The following IDE variants were observed in gnomAD, a reference collection of about 807,000 sequenced individuals.
The protein encoded by IDE is insulin degrading enzyme.
Under a neutral mutation model 133.2 loss-of-function variants are expected in IDE, and 58 were observed. The ratio of observed to expected loss-of-function variants is 0.44; its 90% CI spans 0.35 to 0.54. IDE has a LOEUF of 0.54. IDE is among the 20% of genes least tolerant of loss of function. The probability of loss-of-function intolerance (pLI) is 0.00; values close to 1 mark genes in which losing one functional copy is unlikely to be tolerated. For missense variants in IDE, 981 were observed against 1,234.0 expected (o/e 0.79, Z 3.07); for synonymous variants, 396 against 421.3 (o/e 0.94, Z 0.73).
intron 21 of IDE, among the ~76,000 whole-genome samples, chr10:92,461,691 G>A (rs1267837375): frequency 1.3e-5 from 2 of 150,080 alleles, no homozygotes; most frequent in Non-Finnish European, 3.0e-5. Context: ...TTGAGATGGA[G>A]TCTTGCTCTC....
At chr10:92,503,567 T>G (rs1264690070) in intron 11 of IDE, among the ~76,000 whole-genome samples, 1 of 152,132 alleles carries the variant, frequency 6.6e-6, no homozygotes, top group Non-Finnish European at 1.5e-5. Flanking sequence ...ACCTGAACAT[T>G]AGAAGACATT....
At chr10:92,486,146 C>T (rs1005830064) in intron 13 of IDE, among the ~76,000 whole-genome samples, 3 of 151,992 alleles carry the variant, frequency 2.0e-5, no homozygotes, top group African/African-American at 7.3e-5. Context: ...GTCAAGAGTT[C>T]GAGGCCAGCC....
intron 1 of IDE, among the ~76,000 whole-genome samples, chr10:92,571,668 C>T (rs925649968): frequency 2.0e-5 from 3 of 152,214 alleles, no homozygotes; most frequent in Non-Finnish European, 4.4e-5. Context: ...ATGGATTGAT[C>T]TTACATAAAT....
intron 1 of IDE, among the ~76,000 whole-genome samples, chr10:92,539,170 T>A (rs1842173161): frequency 6.6e-6 from 1 of 151,654 alleles, no homozygotes; most frequent in African/African-American, 2.4e-5. Context: ...ACTAAGACTG[T>A]CCCCTAGATC....
Position 92,507,684 on chromosome 10 carries a change from A to G in IDE, c.1154-18T>C, listed in dbSNP as rs374278859. On this transcript the variant is annotated intron_variant, in intron 8 of 24. Coordinates refer to ENST00000265986, the MANE Select transcript of IDE (RefSeq NM_004969.4). ...AACATGTACTGGAAAAAAGGGGCAC[A>G]CTTAAAAACCATTCAGTCCTTGAAT... The G allele has an allele frequency of 3.8e-6, 5 of 1,328,460 alleles. No homozygotes were observed. The African/African-American group carries it at 5.8e-5, about 15-fold the overall frequency. The allele number at this position is 1,328,460 out of a possible 1,614,324, so 82.3% of individuals were successfully genotyped here.
At chr10:92,531,669 T>A in intron 4 of IDE, 79 bp downstream of exon 4, 7 of 546,320 alleles carry the variant, frequency 1.3e-5, no homozygotes, top group Non-Finnish European at 8.2e-6. Context: ...CATAAATATA[T>A]TTTATATATA....
At position 92,501,843 on chromosome 10, in the gene IDE, C is replaced by T. The variant is rs555285228; in HGVS notation, c.1430+2951G>A. On this transcript the variant is annotated intron_variant, in intron 11 of 24. Coordinates refer to ENST00000265986, the MANE Select transcript of IDE (RefSeq NM_004969.4). Reference sequence around the variant, plus strand: ...TAAAAAAATTAGCCAGGTGTGGTGGCGGGTGCCTGTAATCCCAGCTACTCA... The same window carrying T: ...TAAAAAAATTAGCCAGGTGTGGTGGTGGGTGCCTGTAATCCCAGCTACTCA... Among the ~76,000 whole-genome samples the T allele has an allele frequency of 6.6e-5, 10 of 151,918 alleles. No homozygotes were observed. The East Asian group carries it at 1.2e-3, about 18-fold the overall frequency.
chr10:92,541,308 A>G, intron 1 of IDE: 1 of 470,924 alleles, frequency 2.1e-6, no homozygotes, highest in Non-Finnish European at 4.4e-6. Flanking sequence ...CTTCTGGAGA[A>G]GTGAAGACAA....
In IDE at chr10:92,518,928, G is replaced by A. The variant is rs145222716; in HGVS notation, c.662-3886C>T. Among the ~76,000 whole-genome samples the A allele has an allele frequency of 6.5e-3, 987 of 152,240 alleles. 14 individuals are homozygous for A. The highest frequency in any genetic ancestry group is 0.026 in the Admixed American group (398 of 15,304). ...GGAAAATGCAACTGAAGTGTACACC[G>A]GATGCTCAAAGTGCATTTGTAACGT... On this transcript the variant is annotated intron_variant, in intron 4 of 24. Coordinates refer to ENST00000265986, the MANE Select transcript of IDE (RefSeq NM_004969.4).
intron 4 of IDE, among the ~76,000 whole-genome samples, chr10:92,531,036 T>G (rs1034095897): frequency 6.6e-6 from 1 of 152,216 alleles, no homozygotes; most frequent in East Asian, 1.9e-4. Flanking sequence ...ATTTTAAAAG[T>G]ATAGCAATCT....
Position 92,468,912 on chromosome 10 carries a change from G to A in IDE, c.2287C>T (p.Leu763=). ...AHTKPLLPSQ[L]VRYREVQLPD... Reference sequence around the variant, plus strand: ...AGCTGAACTTCTCTATACCGAACCAGCTGACTTGGAAGGAGAGGTTTGGTA... The same window carrying A: ...AGCTGAACTTCTCTATACCGAACCAACTGACTTGGAAGGAGAGGTTTGGTA... The change falls in exon 19 of 25, where the codon CTG becomes TTG. Residue 763 remains leucine (L), a synonymous_variant. Coordinates refer to ENST00000265986, the MANE Select transcript of IDE (RefSeq NM_004969.4). 1 of 1,611,166 alleles carries A rather than the reference G, an allele frequency of 6.2e-7. No individual in the cohort carries two copies. The highest frequency in any genetic ancestry group is 8.5e-7 in the Non-Finnish European group (1 of 1,177,322).
chr10:92,493,680 C>T (rs1847508784), intron 11 of IDE, among the ~76,000 whole-genome samples: 1 of 151,894 alleles, frequency 6.6e-6, no homozygotes, highest in Admixed American at 6.6e-5. Context: ...GTATGGGTAA[C>T]ATTTGAAATG....
intron 9 of IDE, 28 bp downstream of exon 9, chr10:92,507,547 A>G (rs1244420484): frequency 8.6e-7 from 1 of 1,164,832 alleles, no homozygotes; most frequent in Admixed American, 1.7e-5. Context: ...CAGATTCCTT[A>G]AGAAAAATTT....
chr10:92,526,543 TG>T (rs1284000904), intron 4 of IDE, among the ~76,000 whole-genome samples: 2 of 152,156 alleles, frequency 1.3e-5, no homozygotes, highest in East Asian at 1.9e-4. Flanking sequence ...GGAAAGGAAC[TG>T]GGGCTTAGAG....
At chr10:92,547,764 T>C (rs1262753086) in intron 1 of IDE, among the ~76,000 whole-genome samples, 1 of 152,164 alleles carries the variant, frequency 6.6e-6, no homozygotes, top group Non-Finnish European at 1.5e-5. Flanking sequence ...TACTTTGCCT[T>C]AGGTGTGATT....
intron 23 of IDE, 132 bp downstream of exon 23, chr10:92,456,227 T>C (rs955125151): frequency 1.4e-6 from 1 of 697,304 alleles, no homozygotes; most frequent in Non-Finnish European, 2.6e-6. Context: ...CCCTTATATC[T>C]GCAGACCTTA....
intron 2 of IDE, 97 bp downstream of exon 2, chr10:92,537,269 A>G (rs1169002257): frequency 2.1e-5 from 18 of 875,516 alleles, no homozygotes; most frequent in African/African-American, 1.7e-4. Context: ...GGAACCGGTA[A>G]CTATTGAGTA....
intron 14 of IDE, 158 bp from the exon 15 acceptor site, chr10:92,479,579 A>C: frequency 1.7e-6 from 1 of 604,500 alleles, no homozygotes; most frequent in Non-Finnish European, 2.9e-6. Flanking sequence ...AAAAAAGAAG[A>C]TGTCTGAAAA....
In IDE at chr10:92,490,555, G is replaced by C. The variant is rs1254959837; in HGVS notation, c.1471C>G (p.Arg491Gly). 1.2e-6 allele frequency: 2 copies of C among 1,612,906 alleles called. No homozygotes were observed. The highest frequency in any genetic ancestry group is 1.1e-5 in the South Asian group (1 of 91,002). Reference protein sequence around the residue: ...VSKSFEGKTDRTEEWYGTQYK... With the variant: ...VSKSFEGKTDGTEEWYGTQYK... ...TGGGTTCCATACCACTCTTCTGTGC[G>C]ATCAGTTTTTCCTTCAAAAGATTTA... Residue 491 changes from arginine to glycine, a missense_variant, in exon 12 of 25, where the codon CGC (arginine) becomes GGC (glycine). Coordinates refer to ENST00000265986, the MANE Select transcript of IDE (RefSeq NM_004969.4).
Sources: allele counts gnomAD v4.1 joint callset (sites outside exome capture counted in the v4.1 genomes callset), GRCh38; gene constraint gnomAD v4.1.1; transcripts MANE v1.5; gene names NCBI Gene and HGNC (gene_info 2026-07-23, HGNC 2026-07-21).